The following PLPPR1 variants were observed in gnomAD, a reference collection of about 807,000 sequenced individuals.
The protein encoded by PLPPR1 is phospholipid phosphatase-related protein type 1.
Under a neutral mutation model 33.1 loss-of-function variants are expected in PLPPR1, and 10 were observed. The ratio of observed to expected loss-of-function variants is 0.30; its 90% CI spans 0.19 to 0.51. PLPPR1 has a LOEUF of 0.51. PLPPR1 is among the 20% of genes least tolerant of loss of function. PLPPR1 has a pLI of 0.97. For synonymous variants in PLPPR1, 151 were observed against 151.0 expected, an observed-to-expected ratio of 1.00 and a Z score of 0.00; for missense variants, 304 against 408.1, an observed-to-expected ratio of 0.74 and a Z score of 2.20.
intron 2 of PLPPR1, among the ~76,000 whole-genome samples, chr9:101,220,835 A>G (rs886282278): frequency 3.3e-5 from 5 of 152,202 alleles, no homozygotes; most frequent in African/African-American, 1.2e-4. Context: ...GCTTTAGCCA[A>G]TCAAGGCTCT....
Position 101,232,509 on chromosome 9 carries a change from T to A in PLPPR1, c.64-37371T>A, listed in dbSNP as rs1268799860. Among the ~76,000 whole-genome samples, 9 of 149,438 alleles carry A rather than the reference T, an allele frequency of 6.0e-5. No homozygotes were observed. The East Asian group carries it at 7.9e-4, about 13-fold the overall frequency. Reference sequence around the variant, plus strand: ...TTTTTTCTTAAAAAGAGAAAAAAAATAATGAAGAAATTGGGGTTAAAGAGT... The same window carrying A: ...TTTTTTCTTAAAAAGAGAAAAAAAAAAATGAAGAAATTGGGGTTAAAGAGT... On this transcript the variant is annotated intron_variant, in intron 2 of 7. Transcript: ENST00000374874.
chr9:101,133,537 T>A (rs1245346945), intron 1 of PLPPR1, among the ~76,000 whole-genome samples: 1 of 151,072 alleles, frequency 6.6e-6, no homozygotes, highest in Admixed American at 6.6e-5. Flanking sequence ...AATAGTTGGA[T>A]CTACTATACA....
At chr9:101,091,210 A>G (rs377071411) in intron 1 of PLPPR1, among the ~76,000 whole-genome samples, 1 of 152,068 alleles carries the variant, frequency 6.6e-6, no homozygotes, top group East Asian at 1.9e-4. Context: ...ACACCATCTC[A>G]TATAGTTGCC....
chr9:101,141,288 T>G (rs1831448378), intron 1 of PLPPR1, among the ~76,000 whole-genome samples: 1 of 152,194 alleles, frequency 6.6e-6, no homozygotes, highest in Non-Finnish European at 1.5e-5. Flanking sequence ...TCATAAATTC[T>G]TAATGACTAG....
chr9:101,096,591 A>G (rs557537747), intron 1 of PLPPR1, among the ~76,000 whole-genome samples: 2 of 152,224 alleles, frequency 1.3e-5, no homozygotes, highest in Non-Finnish European at 2.9e-5. Context: ...AGTTTAACAT[A>G]TGTAACATTT....
At chr9:101,045,439 G>C (rs1830132603) in intron 1 of PLPPR1, among the ~76,000 whole-genome samples, 2 of 152,206 alleles carry the variant, frequency 1.3e-5, no homozygotes, top group Admixed American at 1.3e-4. Flanking sequence ...ATGAGTAAGT[G>C]AACCAAAAGA....
At position 101,324,071 on chromosome 9, in the gene PLPPR1, T is replaced by C. The variant is rs753334704; in HGVS notation, c.*14T>C. On this transcript the variant is annotated 3_prime_UTR_variant, in exon 8 of 8. Transcript: ENST00000374874. ...GAAGTTACCTGAGACGACTGATGTG[T>C]CACAAGCTGTTTTTTAAAATCATCT... The C allele has an allele frequency of 1.9e-6, 3 of 1,606,566 alleles. No homozygotes were observed. The highest frequency in any genetic ancestry group is 2.2e-5 in the East Asian group (1 of 44,776).
intron 2 of PLPPR1, among the ~76,000 whole-genome samples, chr9:101,239,353 T>A (rs778185296): frequency 6.6e-6 from 1 of 151,848 alleles, no homozygotes; most frequent in Non-Finnish European, 1.5e-5. Flanking sequence ...ATGAGTTCCC[T>A]TTTTGGGGAC....
At chr9:101,289,272 G>C (rs536708950) in intron 4 of PLPPR1, among the ~76,000 whole-genome samples, 19 of 152,238 alleles carry the variant, frequency 1.2e-4, no homozygotes, top group African/African-American at 3.6e-4. Flanking sequence ...TAGTTGCCTC[G>C]TCTTCTAGGC....
chr9:101,242,713 G>T lies in PLPPR1; in HGVS notation c.64-27167G>T, dbSNP rs185884256. On this transcript the variant is annotated intron_variant, in intron 2 of 7. Coordinates refer to ENST00000374874, the MANE Select transcript of PLPPR1 (RefSeq NM_207299.2). ...AGCCATGGGAGACAGAAGCTTTTGT[G>T]GAAGTGATGCCACAATATTCATGCA... Among the ~76,000 whole-genome samples, 177 of 152,100 alleles carry T rather than the reference G, an allele frequency of 1.2e-3. 1 individual carries two copies. The highest frequency in any genetic ancestry group is 3.9e-3 in the African/African-American group (164 of 41,536).
chr9:101,270,427 A>T (rs1334484585), intron 3 of PLPPR1, among the ~76,000 whole-genome samples: 1 of 152,224 alleles, frequency 6.6e-6, no homozygotes, highest in Non-Finnish European at 1.5e-5. Context: ...TTCTGAATGT[A>T]AGTGCTGGCA....
At chr9:101,248,081 T>G (rs1377349376) in intron 2 of PLPPR1, among the ~76,000 whole-genome samples, 1 of 151,976 alleles carries the variant, frequency 6.6e-6, no homozygotes, top group African/African-American at 2.4e-5. Flanking sequence ...GTATAAGGTG[T>G]CAGGTGATGA....
intron 4 of PLPPR1, among the ~76,000 whole-genome samples, chr9:101,305,008 G>C (rs997907931): frequency 6.6e-6 from 1 of 152,168 alleles, no homozygotes; most frequent in African/African-American, 2.4e-5. Flanking sequence ...GGTAAGAGAG[G>C]AGAGTCTTCA....
intron 1 of PLPPR1, among the ~76,000 whole-genome samples, chr9:101,057,713 A>G (rs967677288): frequency 6.6e-6 from 1 of 152,194 alleles, no homozygotes; most frequent in Admixed American, 6.5e-5. Flanking sequence ...TAGAGATATT[A>G]TCTTAGTAAA....
intron 3 of PLPPR1, among the ~76,000 whole-genome samples, chr9:101,271,776 A>T (rs561177615): frequency 6.6e-6 from 1 of 152,234 alleles, no homozygotes; most frequent in South Asian, 2.1e-4. Context: ...TCCCTGAGTG[A>T]TCCATTGACT....
intron 2 of PLPPR1, among the ~76,000 whole-genome samples, chr9:101,232,379 G>A (rs147896261): frequency 1.3e-5 from 2 of 151,998 alleles, no homozygotes; most frequent in African/African-American, 4.8e-5. Flanking sequence ...GGGCAACTGG[G>A]CATCATGACA....
At chr9:101,199,881 G>T (rs771007274) in intron 2 of PLPPR1, among the ~76,000 whole-genome samples, 1 of 152,116 alleles carries the variant, frequency 6.6e-6, no homozygotes, top group Non-Finnish European at 1.5e-5. Context: ...ATCAGAATGG[G>T]ACGAAACTAG....
chr9:101,238,165 A>G (rs1395575213), intron 2 of PLPPR1, among the ~76,000 whole-genome samples: 1 of 137,988 alleles, frequency 7.2e-6, no homozygotes, highest in Non-Finnish European at 1.6e-5. Context: ...ATACACACAT[A>G]TATATACCCT....
chr9:101,246,025 T>A (rs942446456), intron 2 of PLPPR1, among the ~76,000 whole-genome samples: 2 of 142,350 alleles, frequency 1.4e-5, no homozygotes, highest in Non-Finnish European at 1.5e-5. Context: ...TTGACCATAA[T>A]CTCCCATATA....
Sources: gnomAD v4.1 joint callset for allele counts (sites outside exome capture counted in the v4.1 genomes callset) on GRCh38, gnomAD v4.1.1 for gene constraint, MANE v1.5 for transcripts, NCBI Gene and HGNC (gene_info 2026-07-23, HGNC 2026-07-21) for gene names.